Variants in MLIP observed in about 807,000 individuals in gnomAD.
MLIP encodes the protein muscular LMNA interacting protein.
In MLIP, 79 loss-of-function variants were observed where a neutral mutation model predicts 84.8. The ratio of observed to expected loss-of-function variants is 0.93; its 90% confidence interval spans 0.78 to 1.12. MLIP has a LOEUF of 1.12. MLIP is among the 50% of genes most tolerant of loss of function. MLIP has a pLI of 0.00. For synonymous variants in MLIP, 504 were observed against 463.0 expected (o/e 1.09, Z -1.14); for missense variants, 1,257 against 1,160.6 (o/e 1.08, Z -1.21).
At chr6:54,127,086 C>A (rs1770981813) in intron 3 of MLIP, among the ~76,000 whole-genome samples, 1 of 152,134 alleles carries the variant, frequency 6.6e-6, no homozygotes, top group Non-Finnish European at 1.5e-5. Context: ...TTCCCTAGCT[C>A]TTCTCCATTT....
rs1286502961 is a variant in MLIP at position 54,236,307 on chromosome 6, GTCCTT to G, written c.2922+5392_2922+5396del. On this transcript the variant is annotated intron_variant, in intron 12 of 13. Coordinates refer to ENST00000502396, the MANE Select transcript of MLIP (RefSeq NM_001281747.2). ...TCTTGCTGTCATGCTGTAAACAATT[GTCCTT>G]TTTAAAAGCCAGGTGCGGTGGCTCA... is the stretch of plus-strand genomic sequence containing the variant. 2.6e-5 allele frequency among the ~76,000 whole-genome samples: 4 copies of G among 151,948 alleles called. No homozygotes were observed. The East Asian group carries it at 7.7e-4, about 29-fold the overall frequency.
At chr6:54,120,369 A>G (rs1280947) in intron 1 of MLIP, among the ~76,000 whole-genome samples, 83,940 of 151,574 alleles carry the variant, frequency 0.55, 24,749 homozygotes, top group South Asian at 0.71. Flanking sequence ...TGAGTAGCTG[A>G]GACTACAGGC....
intron 9 of MLIP, among the ~76,000 whole-genome samples, chr6:54,170,263 A>G (rs1349155946): frequency 6.6e-6 from 1 of 151,768 alleles, no homozygotes; most frequent in Non-Finnish European, 1.5e-5. Context: ...AGTCTAAAAC[A>G]AATTAGTAAA....
At chr6:54,133,133 A>G (rs141910094) in intron 3 of MLIP, among the ~76,000 whole-genome samples, 1 of 152,278 alleles carries the variant, frequency 6.6e-6, no homozygotes, top group East Asian at 1.9e-4. Flanking sequence ...CTGGATAGCA[A>G]GAGAGGGGCT....
chr6:54,236,950 A>C (rs1205172385), intron 12 of MLIP, among the ~76,000 whole-genome samples: 1 of 152,130 alleles, frequency 6.6e-6, no homozygotes, highest in East Asian at 1.9e-4. Flanking sequence ...GCAATAACCT[A>C]ATCCAGGTTT....
At chr6:54,060,049 TC>T (rs1020759899) in intron 1 of MLIP, among the ~76,000 whole-genome samples, 1 of 52,654 alleles carries the variant, frequency 1.9e-5, no homozygotes, top group African/African-American at 3.2e-5. Flanking sequence ...AATTTAATGC[TC>T]CTGTATAATA....
intron 9 of MLIP, among the ~76,000 whole-genome samples, chr6:54,175,247 A>C (rs377531987): frequency 6.6e-6 from 1 of 151,984 alleles, no homozygotes; most frequent in Admixed American, 6.6e-5. Context: ...GTAGTTCCCT[A>C]TAAATTTTAG....
At chr6:54,104,675 C>A (rs913113331) in intron 1 of MLIP, among the ~76,000 whole-genome samples, 2 of 152,136 alleles carry the variant, frequency 1.3e-5, no homozygotes, top group African/African-American at 4.8e-5. Context: ...CCAGCCAAGA[C>A]CACAAATAGA....
upstream of MLIP, among the ~76,000 whole-genome samples, chr6:54,109,307 A>G (rs1272498949): frequency 6.6e-6 from 1 of 152,102 alleles, no homozygotes; most frequent in East Asian, 1.9e-4. Flanking sequence ...AGTAACGTGT[A>G]TTAAGAATCT....
chr6:54,038,555 A>G (rs1375040889), intron 1 of MLIP, among the ~76,000 whole-genome samples: 1 of 151,488 alleles, frequency 6.6e-6, no homozygotes, highest in Non-Finnish European at 1.5e-5. Context: ...TTCTTTTGAG[A>G]TTATATCATT....
At chr6:54,152,734 G>A (rs891825231) in intron 5 of MLIP, among the ~76,000 whole-genome samples, 6 of 152,030 alleles carry the variant, frequency 3.9e-5, no homozygotes, top group African/African-American at 1.2e-4. Context: ...TAAAGGTCTC[G>A]CTTTCATTGA....
intron 12 of MLIP, among the ~76,000 whole-genome samples, chr6:54,252,953 G>T (rs961123985): frequency 2.0e-5 from 3 of 151,952 alleles, no homozygotes; most frequent in Non-Finnish European, 4.4e-5. Context: ...ACTTCCTAAG[G>T]CCTCACTAAC....
At chr6:54,222,578 A>C (rs961938746) in intron 11 of MLIP, among the ~76,000 whole-genome samples, 1 of 152,020 alleles carries the variant, frequency 6.6e-6, no homozygotes, top group Non-Finnish European at 1.5e-5. Context: ...TTAATATTCC[A>C]TTATATGTAT....
chr6:54,097,121 C>G (rs775684660), intron 1 of MLIP, among the ~76,000 whole-genome samples: 1 of 152,130 alleles, frequency 6.6e-6, no homozygotes, highest in Non-Finnish European at 1.5e-5. Flanking sequence ...TCAGGCTGTG[C>G]AAAAGAGAGA....
chr6:54,103,519 C>A (rs1768798399), intron 1 of MLIP, among the ~76,000 whole-genome samples: 1 of 152,126 alleles, frequency 6.6e-6, no homozygotes, highest in African/African-American at 2.4e-5. Context: ...GATGTGATAC[C>A]ACATCGGTGC....
intron 8 of MLIP, among the ~76,000 whole-genome samples, chr6:54,163,441 GT>G (rs1224393596): frequency 2.0e-5 from 3 of 150,934 alleles, no homozygotes; most frequent in Non-Finnish European, 3.0e-5. Context: ...TATTTCTCTT[GT>G]TTTTTTCTGC....
chr6:54,244,392 A>C (rs1781937453), intron 12 of MLIP, among the ~76,000 whole-genome samples: 2 of 152,220 alleles, frequency 1.3e-5, no homozygotes, highest in South Asian at 4.1e-4. Flanking sequence ...TTTTTCAGGA[A>C]GTCAAAACAT....
intron 1 of MLIP, among the ~76,000 whole-genome samples, chr6:54,040,069 C>T (rs1446193440): frequency 1.3e-5 from 2 of 151,988 alleles, no homozygotes. Flanking sequence ...GAGATATTGT[C>T]TCTCATCATT....
At chr6:54,215,145 A>G (rs996066598) in intron 11 of MLIP, 1 of 1,535,242 alleles carries the variant, frequency 6.5e-7, no homozygotes, top group African/African-American at 1.4e-5. Flanking sequence ...CTCAGGCTGC[A>G]CATTCTGTGG....
Sources: allele counts gnomAD v4.1 joint callset (sites outside exome capture counted in the v4.1 genomes callset), GRCh38; gene constraint gnomAD v4.1.1; transcripts MANE v1.5; gene names NCBI Gene and HGNC (gene_info 2026-07-23, HGNC 2026-07-21).